The following RGS12 variants were observed in gnomAD, a reference collection of about 807,000 sequenced individuals.
RGS12 encodes regulator of G-protein signaling 12.
RGS12 carries 66 observed loss-of-function variants against 120.1 expected under a neutral mutation model. The observed-to-expected ratio is 0.55, with a 90% CI of 0.45 to 0.67. The LOEUF (loss-of-function observed/expected upper bound fraction) is 0.67, where lower values mean the gene tolerates loss of function less well. Among genes scored for constraint, RGS12 ranks in the 30% least tolerant of loss-of-function variants. The pLI is 0.00. For missense variants in RGS12, 1,859 were observed against 1,957.7 expected (o/e 0.95, Z 0.95); for synonymous variants, 827 against 804.7 (o/e 1.03, Z -0.47).
chr4:3,349,641 A>G (rs888500003), intron 3 of RGS12, among the ~76,000 whole-genome samples: 1 of 152,272 alleles, frequency 6.6e-6, no homozygotes, highest in South Asian at 2.1e-4. Context: ...ACTGAAATAT[A>G]TATATGTAAG....
rs746465265 is a variant in RGS12, at chr4:3,416,017, T to A, written c.2323T>A (p.Cys775Ser). The change falls in exon 7 of 18, where the codon TGC (cysteine) becomes AGC (serine). Residue 775 changes from cysteine to serine, a missense_variant. Cys to Ser is a moderately radical substitution (Grantham distance 112). Around this residue, in one of 3 missense-constraint regions of RGS12, gnomAD observed 375 missense variants for 475.0 expected, o/e 0.79. Coordinates refer to ENST00000336727, the MANE Select transcript of RGS12 (RefSeq NM_001394154.1). The part of the protein sequence containing the change: ...RAREIFSKFL[C>S]SKATTPVNID... The stretch of plus-strand genomic sequence containing the variant: ...CCGGGAGATTTTCAGTAAGTTTCTC[T>A]GCAGCAAAGCCACCACCCCGGTCAA... 1 of 1,613,542 alleles carries A rather than the reference T, an allele frequency of 6.2e-7. No individual in the cohort carries two copies. The highest frequency in any genetic ancestry group is 8.5e-7 in the Non-Finnish European group (1 of 1,179,818).
intron 4 of RGS12, among the ~76,000 whole-genome samples, chr4:3,406,486 G>T (rs186487273): frequency 6.6e-6 from 1 of 152,210 alleles, no homozygotes; most frequent in Non-Finnish European, 1.5e-5. Flanking sequence ...AACAAACAGC[G>T]CCTTCAGCCA....
At chr4:3,309,502 CGGG>C (rs1724199374) in intron 1 of RGS12, among the ~76,000 whole-genome samples, 4 of 118,100 alleles carry the variant, frequency 3.4e-5, no homozygotes, top group South Asian at 7.2e-4. Flanking sequence ...AGCTGGGACC[CGGG>C]AAATGGCAGG....
intron 4 of RGS12, among the ~76,000 whole-genome samples, chr4:3,411,250 A>T (rs769578359): frequency 2.0e-5 from 3 of 152,196 alleles, no homozygotes; most frequent in Non-Finnish European, 4.4e-5. Flanking sequence ...TTAGACACTC[A>T]GGGTTTGTTT....
rs1315234099 is a variant in RGS12 at position 3,365,002 on chromosome 4, C to T, written c.1999-21414C>T. Among the ~76,000 whole-genome samples, 2 of 152,084 alleles carry T rather than the reference C, an allele frequency of 1.3e-5. No individual in the cohort carries two copies. The highest frequency in any genetic ancestry group is 4.8e-5 in the African/African-American group (2 of 41,410). On this transcript the variant is annotated intron_variant, in intron 3 of 17. Transcript: ENST00000336727. The surrounding 1 kb of genome is among the most constrained non-coding windows in gnomAD (Gnocchi z 4.0). ...GGTGGTCACTGGATGGAGCCTCCTG[C>T]ACCCAGGGCAGAAGCTGCACCTTTC...
chr4:3,320,079 C>T lies in RGS12; in HGVS notation c.1881+2028C>T, dbSNP rs372186251. Among the ~76,000 whole-genome samples the T allele has an allele frequency of 1.1e-4, 16 of 152,246 alleles. No homozygotes were observed. The East Asian group carries it at 1.3e-3, about 13-fold the overall frequency. ...TGCTGTGGTGTAGTGAAGGTTGACA[C>T]TGGTGTTTATGTGGTTCTTTGTGGA... On this transcript the variant is annotated intron_variant, in intron 2 of 17. Transcript: ENST00000336727.
intron 3 of RGS12, among the ~76,000 whole-genome samples, chr4:3,355,070 G>C (rs914512460): frequency 3.3e-5 from 5 of 152,090 alleles, no homozygotes; most frequent in Non-Finnish European, 2.9e-5. Context: ...CATTAGCAAG[G>C]TGATTCCAGC....
chr4:3,405,733 C>T (rs1476185247), intron 4 of RGS12, among the ~76,000 whole-genome samples: 2 of 152,068 alleles, frequency 1.3e-5, no homozygotes, highest in East Asian at 1.9e-4. Context: ...AAAAAGGTTG[C>T]GTGTGTGCAG....
intron 17 of RGS12, among the ~76,000 whole-genome samples, chr4:3,438,944 G>A (rs1364853999): frequency 6.6e-6 from 1 of 152,092 alleles, no homozygotes; most frequent in African/African-American, 2.4e-5. Context: ...GGGCGAGCAG[G>A]TGGCCAGCCT....
At chr4:3,315,860 T>A (rs919258786) in intron 1 of RGS12, among the ~76,000 whole-genome samples, 1 of 152,214 alleles carries the variant, frequency 6.6e-6, no homozygotes, top group African/African-American at 2.4e-5. Flanking sequence ...CAGGAACTTG[T>A]GTGGTAACAA....
At chr4:3,415,772 TTAAG>T (rs1341911746) in intron 6 of RGS12, among the ~76,000 whole-genome samples, 1 of 152,226 alleles carries the variant, frequency 6.6e-6, no homozygotes, top group East Asian at 1.9e-4. Context: ...TTGGGACACT[TTAAG>T]TATCCGTTTA....
intron 2 of RGS12, among the ~76,000 whole-genome samples, chr4:3,333,272 A>T (rs933661920): frequency 5.9e-5 from 9 of 151,980 alleles, no homozygotes; most frequent in Non-Finnish European, 1.0e-4. Context: ...GATGGTCTCG[A>T]TCTCCTGACC....
In RGS12 at chr4:3,342,995, G is replaced by A. The variant is rs979908968; in HGVS notation, c.1940G>A (p.Arg647Gln). The stretch of plus-strand genomic sequence containing the variant: ...CAGCCTTCTCAACGCACGTCTGCTC[G>A]GAGATCATTTGGGAGATCCAAGAGA... ...LTQPSQRTSA[R>Q]RSFGRSKRFS... Residue 647 changes from arginine to glutamine, a missense_variant, in exon 3 of 18, where the codon CGG (arginine) becomes CAG (glutamine). Physicochemically the swap from Arg to Gln is conservative, Grantham distance 43 (BLOSUM62 1). Transcript: ENST00000336727. The A allele has an allele frequency of 8.1e-6, 13 of 1,613,856 alleles. No homozygotes were observed. Among genetic ancestry groups the A allele is most frequent in the Admixed American group, 3.3e-5 (2 of 60,022 alleles).
At chr4:3,327,586 A>G (rs1385603959) in intron 2 of RGS12, among the ~76,000 whole-genome samples, 1 of 152,254 alleles carries the variant, frequency 6.6e-6, no homozygotes, top group Non-Finnish European at 1.5e-5. Flanking sequence ...CAGCAACAAA[A>G]TAACGCCATT....
intron 1 of RGS12, among the ~76,000 whole-genome samples, chr4:3,308,293 G>A (rs1355828823): frequency 3.3e-5 from 5 of 152,242 alleles, no homozygotes; most frequent in African/African-American, 4.8e-5. Context: ...CTCAACAGCC[G>A]GCGTTAGTAA....
At chr4:3,408,493 T>C (rs972037094) in intron 4 of RGS12, among the ~76,000 whole-genome samples, 4 of 152,188 alleles carry the variant, frequency 2.6e-5, no homozygotes, top group African/African-American at 9.7e-5. Flanking sequence ...CCAGATGGAA[T>C]CGTAAAAATT....
chr4:3,286,900 C>T, the RGS12 span, among the ~76,000 whole-genome samples: 1 of 152,190 alleles, frequency 6.6e-6, no homozygotes, highest in Admixed American at 6.5e-5. Flanking sequence ...GACGCTGCTC[C>T]GGCAGGATTG....
chr4:3,361,428 C>T (rs1484081409), intron 3 of RGS12, among the ~76,000 whole-genome samples: 3 of 152,124 alleles, frequency 2.0e-5, no homozygotes, highest in East Asian at 1.9e-4. Flanking sequence ...TTTTTTCCCG[C>T]CCTTTTGAAT....
chr4:3,368,088 G>C (rs1716518737), intron 3 of RGS12, among the ~76,000 whole-genome samples: 1 of 152,214 alleles, frequency 6.6e-6, no homozygotes, highest in South Asian at 2.1e-4. Flanking sequence ...GCTGCCTTCG[G>C]TTCTCAGGCG....
Sources: gnomAD v4.1 joint callset for allele counts (sites outside exome capture counted in the v4.1 genomes callset) on GRCh38, gnomAD v4.1.1 for gene constraint, gnomAD v4.1.1 regional missense constraint, Gnocchi (gnomAD v3.1) non-coding constraint, MANE v1.5 for transcripts, NCBI Gene and HGNC (gene_info 2026-07-23, HGNC 2026-07-21) for gene names.